PNLIP: variants seen among roughly 807,000 people sequenced by gnomAD.
PNLIP encodes the protein pancreatic triacylglycerol lipase.
Under a neutral mutation model 57.1 loss-of-function variants are expected in PNLIP, and 49 were observed. That is an observed-to-expected ratio of 0.86 (90% CI 0.68 to 1.09). The LOEUF (loss-of-function observed/expected upper bound fraction) is 1.09. Among genes scored for constraint, PNLIP ranks in the 50% least tolerant of loss-of-function variants. PNLIP has a pLI of 0.00. For missense variants in PNLIP, 503 were observed against 570.2 expected (o/e 0.88, Z 1.20); for synonymous variants, 209 against 200.4 (o/e 1.04, Z -0.36).
At position 116,561,507 on chromosome 10, in the gene PNLIP, A is replaced by G; in HGVS notation, c.1205A>G (p.Glu402Gly). The G allele has an allele frequency of 6.2e-7, 1 of 1,613,952 alleles. No homozygotes were observed. Among genetic ancestry groups the G allele is most frequent in the Non-Finnish European group, 8.5e-7 (1 of 1,179,896 alleles). Residue 402 changes from glutamate (E) to glycine (G), a missense_variant, in exon 12 of 13, where the codon GAA becomes GGA. Coordinates refer to ENST00000369221, the MANE Select transcript of PNLIP (RefSeq NM_000936.4). ...TLKPDSTHSN[E>G]FDSDVDVGDL... ...AAACCAGATAGTACTCATTCCAATGAATTTGACTCAGATGTGGATGTTGGG... is the reference window on the plus strand; with the variant it reads ...AAACCAGATAGTACTCATTCCAATGGATTTGACTCAGATGTGGATGTTGGG...
chr10:116,546,196 G>A lies in PNLIP; in HGVS notation c.46+58G>A, dbSNP rs116704904. Reference sequence around the variant, plus strand: ...GATTCACTTTTCAACACGGTCAGGAGGGCTAGGGCAGCTGAATTCAGGCCG... The same window carrying A: ...GATTCACTTTTCAACACGGTCAGGAAGGCTAGGGCAGCTGAATTCAGGCCG... On this transcript the variant is annotated intron_variant, in intron 2 of 12. Transcript: ENST00000369221. 5.8e-4 allele frequency: 840 copies of A among 1,455,322 alleles called. 3 individuals are homozygous for A. The African/African-American group carries it at 9.7e-3, about 17-fold the overall frequency. The allele number at this position is 1,455,322 out of a possible 1,614,324, so 90.2% of individuals were successfully genotyped here.
rs758501700 is a variant in PNLIP at position 116,548,429 on chromosome 10, A to G, written c.271A>G (p.Ile91Val). The G allele has an allele frequency of 6.2e-7, 1 of 1,614,114 alleles. No individual in the cohort carries two copies. The highest frequency in any genetic ancestry group is 8.5e-7 in the Non-Finnish European group (1 of 1,179,926). Residue 91 changes from isoleucine to valine, a missense_variant, in exon 4 of 13, where the codon ATT (isoleucine) becomes GTT (valine). Transcript: ENST00000369221. ...AACAAATAGAAAAACTCGCTTTATT[A>G]TTCATGGATTCATAGACAAGGGAGA... Reference protein sequence around the residue: ...FKTNRKTRFIIHGFIDKGEEN... With the variant: ...FKTNRKTRFIVHGFIDKGEEN...
At chr10:116,559,782 A>G (rs1395412519) in intron 10 of PNLIP, among the ~76,000 whole-genome samples, 1 of 152,186 alleles carries the variant, frequency 6.6e-6, no homozygotes, top group Non-Finnish European at 1.5e-5. Flanking sequence ...GAGGAATAAA[A>G]TTATTTGGAT....
intron 2 of PNLIP, 80 bp from the exon 3 acceptor site, chr10:116,547,214 G>C: frequency 1.5e-6 from 2 of 1,343,818 alleles, no homozygotes; most frequent in Non-Finnish European, 2.1e-6. Context: ...ACCACACAGT[G>C]TAATTGAACT....
intron 2 of PNLIP, 138 bp from the exon 3 acceptor site, chr10:116,547,156 T>G: frequency 1.3e-6 from 1 of 750,054 alleles, no homozygotes; most frequent in South Asian, 1.6e-5. Context: ...AGCTGTTTTG[T>G]GAGTGTGTGG....
chr10:116,564,422 A>G lies in PNLIP; in HGVS notation c.1334+2786A>G, dbSNP rs180707584. Among the ~76,000 whole-genome samples the G allele has an allele frequency of 1.3e-3, 199 of 152,318 alleles. 1 individual carries two copies. The highest frequency in any genetic ancestry group is 5.2e-3 in the Admixed American group (79 of 15,296). ...GGAAAGGAAAAACTGTTAACCTGGA[A>G]TTTATACCCATAAATATCTTTCAAA... On this transcript the variant is annotated intron_variant, in intron 12 of 12. Transcript: ENST00000369221.
At chr10:116,550,051 T>A (rs1003551025) in intron 4 of PNLIP, among the ~76,000 whole-genome samples, 1 of 147,786 alleles carries the variant, frequency 6.8e-6, no homozygotes, top group Non-Finnish European at 1.5e-5. Flanking sequence ...TATTCTCAAA[T>A]TCTTTTTTTT....
chr10:116,550,204 T>G (rs1847175887), intron 4 of PNLIP, among the ~76,000 whole-genome samples: 2 of 151,162 alleles, frequency 1.3e-5, no homozygotes, highest in African/African-American at 4.9e-5. Flanking sequence ...GACTACAGGC[T>G]CCCACCACCA....
At chr10:116,565,454 A>G (rs1847356681) in intron 12 of PNLIP, among the ~76,000 whole-genome samples, 1 of 151,264 alleles carries the variant, frequency 6.6e-6, no homozygotes, top group South Asian at 2.1e-4. Flanking sequence ...TGGCTATATA[A>G]AATGCACTTT....
In PNLIP at chr10:116,561,876, G is replaced by A. The variant is rs375784491; in HGVS notation, c.1334+240G>A. ...AAATTAAATGTTAGAATGAGAAACC[G>A]GCTTCATGATTCTAAGGTGAGAGGA... is the stretch of plus-strand genomic sequence containing the variant. On this transcript the variant is annotated intron_variant, in intron 12 of 12. Coordinates refer to ENST00000369221, the MANE Select transcript of PNLIP (RefSeq NM_000936.4). Among the ~76,000 whole-genome samples the A allele has an allele frequency of 5.3e-5, 8 of 152,290 alleles. No individual in the cohort carries two copies. The East Asian group carries it at 1.2e-3, about 22-fold the overall frequency.
rs369799063 is a variant in PNLIP at position 116,564,040 on chromosome 10, C to T, written c.1334+2404C>T. Among the ~76,000 whole-genome samples the T allele has an allele frequency of 9.2e-5, 14 of 152,076 alleles. No individual in the cohort carries two copies. In the East Asian group the frequency reaches 2.7e-3, roughly 29 times the overall value. Reference sequence around the variant, plus strand: ...AAATAATACCTTGAAAATTTTCAAACATGGTGAAAACTATAAACCAACAGA... The same window carrying T: ...AAATAATACCTTGAAAATTTTCAAATATGGTGAAAACTATAAACCAACAGA... On this transcript the variant is annotated intron_variant, in intron 12 of 12. Coordinates refer to ENST00000369221, the MANE Select transcript of PNLIP (RefSeq NM_000936.4).
At chr10:116,556,372 A>G (rs1456577817) in intron 9 of PNLIP, among the ~76,000 whole-genome samples, 2 of 152,222 alleles carry the variant, frequency 1.3e-5, no homozygotes, top group African/African-American at 4.8e-5. Context: ...TGTTTTAGAA[A>G]TAACCCTAAA....
rs1193395316 is a variant in PNLIP, at chr10:116,567,782, C to T, written c.1382C>T (p.Thr461Ile). Residue 461 changes from threonine (T) to isoleucine (I), a missense_variant, in exon 13 of 13, where the codon ACC becomes ATC. Thr to Ile is a moderately conservative substitution (Grantham distance 89). Coordinates refer to ENST00000369221, the MANE Select transcript of PNLIP (RefSeq NM_000936.4). ...ACCGTCAGGGAGGAAGTTCTGCTCA[C>T]CCTCACACCGTGTTAGGAGACTACT... is the stretch of plus-strand genomic sequence containing the variant. ...PETVREEVLL[T>I]LTPC 7 of 1,613,338 alleles carry T rather than the reference C, an allele frequency of 4.3e-6. No homozygotes were observed. Among genetic ancestry groups the T allele is most frequent in the Non-Finnish European group, 5.9e-6 (7 of 1,179,386 alleles).
At chr10:116,551,358 T>C in intron 5 of PNLIP, 126 bp downstream of exon 5, 1 of 607,304 alleles carries the variant, frequency 1.6e-6, no homozygotes, top group Non-Finnish European at 2.5e-6. Flanking sequence ...GATATGATGT[T>C]TCTCTTGGCT....
intron 12 of PNLIP, among the ~76,000 whole-genome samples, chr10:116,565,935 A>T (rs1480967751): frequency 6.6e-6 from 1 of 152,076 alleles, no homozygotes; most frequent in African/African-American, 2.4e-5. Context: ...CGGCCTCCCC[A>T]GTAGCTGGGA....
At chr10:116,557,247 T>G (rs1847262355) in intron 9 of PNLIP, among the ~76,000 whole-genome samples, 1 of 152,174 alleles carries the variant, frequency 6.6e-6, no homozygotes, top group South Asian at 2.1e-4. Context: ...GCCTCAGGTT[T>G]CATTCAGTTA....
Position 116,551,209 on chromosome 10 carries a change from G to A in PNLIP, c.436G>A (p.Ala146Thr). Reference protein sequence around the residue: ...QNIRIVGAEVAYFVEFLQSAF... With the variant: ...QNIRIVGAEVTYFVEFLQSAF... ...CATCAGGATCGTGGGAGCAGAAGTG[G>A]CATATTTTGTTGAATTTCTTCAGGT... The change falls in exon 5 of 13, where the codon GCA (alanine) becomes ACA (threonine). Residue 146 changes from alanine (A) to threonine (T), a missense_variant. Transcript: ENST00000369221. 1 of 1,609,088 alleles carries A rather than the reference G, an allele frequency of 6.2e-7. No individual in the cohort carries two copies. Among genetic ancestry groups the A allele is most frequent in the Non-Finnish European group, 8.5e-7 (1 of 1,177,816 alleles).
Position 116,555,306 on chromosome 10 carries a change from C to T in PNLIP, c.691+9C>T. The T allele has an allele frequency of 3.7e-6, 6 of 1,614,126 alleles. No individual in the cohort carries two copies. The highest frequency in any genetic ancestry group is 5.1e-6 in the Non-Finnish European group (6 of 1,180,012). On this transcript the variant is annotated intron_variant, in intron 7 of 12. Transcript: ENST00000369221. ...CATAGTCCCCAATTTGGGTGAGTTC[C>T]TCAACCCGTCCCCCAAAGGGTGTTA... is the stretch of plus-strand genomic sequence containing the variant.
chr10:116,548,376 C>G lies in PNLIP; in HGVS notation c.218C>G (p.Ser73Ter). 1 of 1,614,026 alleles carries G rather than the reference C, an allele frequency of 6.2e-7. No homozygotes were observed. The highest frequency in any genetic ancestry group is 8.5e-7 in the Non-Finnish European group (1 of 1,179,908). The change falls in exon 4 of 13, where the codon TCA becomes TGA. Residue 73 changes from serine (S) to a stop codon, truncating the protein, a stop_gained. Coordinates refer to ENST00000369221, the MANE Select transcript of PNLIP (RefSeq NM_000936.4). LOFTEE classifies it high-confidence loss of function. ...PNNFQEVAAD[S>*]SSISGSNFKT... ...TCTAAACAGGAAGTTGCCGCAGATT[C>G]ATCAAGCATCAGTGGCTCCAATTTC...
Sources: allele counts gnomAD v4.1 joint callset (sites outside exome capture counted in the v4.1 genomes callset), GRCh38; gene constraint gnomAD v4.1.1; transcripts MANE v1.5; gene names NCBI Gene and HGNC (gene_info 2026-07-23, HGNC 2026-07-21).